ADK: variants seen among roughly 807,000 people sequenced by gnomAD.
The protein encoded by ADK is N6,N6-dimethyladenosine kinase.
A neutral mutation model predicts 44.7 loss-of-function variants in ADK; 24 were observed. The ratio of observed to expected loss-of-function variants is 0.54; its 90% CI spans 0.39 to 0.76. The LOEUF is 0.76. Among genes scored for constraint, ADK ranks in the 30% least tolerant of loss-of-function variants. The probability of loss-of-function intolerance (pLI) is 0.00; values close to 1 mark genes in which losing one functional copy is unlikely to be tolerated. For synonymous variants in ADK, 128 were observed against 142.6 expected (o/e 0.90, Z 0.73); for missense variants, 321 against 425.1 (o/e 0.76, Z 2.15).
chr10:74,178,943 A>C, intron 1 of ADK, among the ~76,000 whole-genome samples: 1 of 152,368 alleles, frequency 6.6e-6, no homozygotes, highest in East Asian at 1.9e-4. Flanking sequence ...AGTGCTCTGC[A>C]TGGTGCCTTT....
intron 6 of ADK, among the ~76,000 whole-genome samples, chr10:74,496,360 G>A (rs1847687478): frequency 6.6e-6 from 1 of 152,136 alleles, no homozygotes; most frequent in South Asian, 2.1e-4. Flanking sequence ...TTGAATCATG[G>A]GGGTGGTTTC....
intron 4 of ADK, among the ~76,000 whole-genome samples, chr10:74,348,278 A>C (rs1051855715): frequency 1.3e-5 from 2 of 152,166 alleles, no homozygotes; most frequent in Admixed American, 6.5e-5. Context: ...TCCATTGGTG[A>C]TACTCAGGCA....
Position 74,531,874 on chromosome 10 carries a change from A to G in ADK, c.726+6448A>G, listed in dbSNP as rs75001148. 2.0e-5 allele frequency among the ~76,000 whole-genome samples: 3 copies of G among 152,274 alleles called. No individual in the cohort carries two copies. In the East Asian group the frequency reaches 5.8e-4, roughly 29 times the overall value. ...CAGATTTCAGAAAGATGTAGTACCAATTGTATACAAACTGTCCCAGAAAAT... is the reference window on the plus strand; with the variant it reads ...CAGATTTCAGAAAGATGTAGTACCAGTTGTATACAAACTGTCCCAGAAAAT... On this transcript the variant is annotated intron_variant, in intron 7 of 10. Transcript: ENST00000539909.
intron 7 of ADK, among the ~76,000 whole-genome samples, chr10:74,565,258 C>A (rs1182920170): frequency 1.3e-5 from 2 of 152,174 alleles, no homozygotes; most frequent in African/African-American, 4.8e-5. Flanking sequence ...AGTAGCACTC[C>A]TGAAACATTA....
At chr10:74,322,566 T>G (rs890828073) in intron 4 of ADK, among the ~76,000 whole-genome samples, 8 of 152,224 alleles carry the variant, frequency 5.3e-5, no homozygotes, top group African/African-American at 1.9e-4. Flanking sequence ...TAAGTTTTCA[T>G]AGCTAAAATA....
chr10:74,408,687 A>G (rs1428287701), intron 6 of ADK, among the ~76,000 whole-genome samples: 2 of 152,206 alleles, frequency 1.3e-5, no homozygotes, highest in African/African-American at 4.8e-5. Flanking sequence ...CGTATTTTGT[A>G]TATGTATTAT....
At chr10:74,559,516 T>C (rs919318552) in intron 7 of ADK, among the ~76,000 whole-genome samples, 1 of 152,242 alleles carries the variant, frequency 6.6e-6, no homozygotes, top group African/African-American at 2.4e-5. Context: ...ATATGTCTTA[T>C]GTACTTTTGT....
intron 6 of ADK, among the ~76,000 whole-genome samples, chr10:74,471,723 C>T (rs1015026437): frequency 2.0e-5 from 3 of 151,936 alleles, no homozygotes; most frequent in African/African-American, 7.3e-5. Context: ...AATCTTGTGC[C>T]TCCTTGGTTA....
intron 6 of ADK, among the ~76,000 whole-genome samples, chr10:74,401,688 C>T (rs1459268621): frequency 6.6e-6 from 1 of 151,974 alleles, no homozygotes; most frequent in Non-Finnish European, 1.5e-5. Context: ...GATCTTGACT[C>T]TATCCAATTT....
intron 4 of ADK, among the ~76,000 whole-genome samples, chr10:74,316,745 A>G (rs944295129): frequency 7.2e-5 from 11 of 152,182 alleles, no homozygotes; most frequent in Non-Finnish European, 7.3e-5. Context: ...TTAGCTGTTC[A>G]CTAATAAATT....
chr10:74,352,071 C>T (rs539547298), intron 4 of ADK, among the ~76,000 whole-genome samples: 43 of 149,228 alleles, frequency 2.9e-4, no homozygotes, highest in African/African-American at 1.1e-3. Flanking sequence ...AAAAAAGAAA[C>T]AAACCTTAAA....
At chr10:74,332,337 T>A (rs1841246694) in intron 4 of ADK, among the ~76,000 whole-genome samples, 1 of 152,202 alleles carries the variant, frequency 6.6e-6, no homozygotes, top group Non-Finnish European at 1.5e-5. Flanking sequence ...GTACAAAGTT[T>A]ACTCACATTT....
chr10:74,327,027 A>C (rs1189231333), intron 4 of ADK, among the ~76,000 whole-genome samples: 1 of 151,240 alleles, frequency 6.6e-6, no homozygotes, highest in Admixed American at 6.6e-5. Context: ...TTAGGTCTCT[A>C]TTTCATTTAT....
chr10:74,522,057 G>C (rs997258032), intron 6 of ADK, among the ~76,000 whole-genome samples: 1 of 152,062 alleles, frequency 6.6e-6, no homozygotes, highest in Admixed American at 6.6e-5. Context: ...CTCATCCATC[G>C]CAAGGGTCAT....
intron 9 of ADK, among the ~76,000 whole-genome samples, chr10:74,657,094 G>A (rs1394532339): frequency 6.6e-6 from 1 of 151,868 alleles, no homozygotes; most frequent in Non-Finnish European, 1.5e-5. Flanking sequence ...TAGAAACAGG[G>A]CCATGCTTTG....
intron 7 of ADK, among the ~76,000 whole-genome samples, chr10:74,569,813 A>G (rs1055958787): frequency 6.6e-6 from 1 of 152,124 alleles, no homozygotes; most frequent in Non-Finnish European, 1.5e-5. Context: ...TTTTGTTGCC[A>G]TTGCTTTTGG....
At chr10:74,210,450 A>AT (rs1469935970) in intron 2 of ADK, among the ~76,000 whole-genome samples, 1 of 151,744 alleles carries the variant, frequency 6.6e-6, no homozygotes, top group African/African-American at 2.4e-5. Flanking sequence ...ATGAGTTTTT[A>AT]TTAATCTGAG....
At chr10:74,545,193 G>A (rs1451487873) in intron 7 of ADK, among the ~76,000 whole-genome samples, 1 of 152,086 alleles carries the variant, frequency 6.6e-6, no homozygotes, top group Non-Finnish European at 1.5e-5. Context: ...GTCAGACATT[G>A]CACTCTGCAC....
In ADK at chr10:74,542,218, C is replaced by T. The variant is rs548732613; in HGVS notation, c.726+16792C>T. On this transcript the variant is annotated intron_variant, in intron 7 of 10. Transcript: ENST00000539909. ...AAATGCTCCCTCAAACACGAGATGACTGCAGCCCTGGTCTACATCTCAGTT... is the reference window on the plus strand; with the variant it reads ...AAATGCTCCCTCAAACACGAGATGATTGCAGCCCTGGTCTACATCTCAGTT... 2.6e-5 allele frequency among the ~76,000 whole-genome samples: 4 copies of T among 152,336 alleles called. No homozygotes were observed. In the East Asian group the frequency reaches 7.7e-4, roughly 29 times the overall value.
Sources: allele counts gnomAD v4.1 joint callset (sites outside exome capture counted in the v4.1 genomes callset), GRCh38; gene constraint gnomAD v4.1.1; transcripts MANE v1.5; gene names NCBI Gene and HGNC (gene_info 2026-07-23, HGNC 2026-07-21).